The following CDC42BPA variants were observed in gnomAD, a reference collection of about 807,000 sequenced individuals.
CDC42BPA encodes the protein CDC42 binding protein kinase alpha, also known as serine/threonine-protein kinase MRCK alpha.
In CDC42BPA, 80 loss-of-function variants were observed where a neutral mutation model predicts 223.5. That is an observed-to-expected ratio of 0.36 (90% CI 0.30 to 0.43). The LOEUF is 0.43. Ranked by LOEUF, CDC42BPA falls within the 20% of genes least tolerant of loss-of-function variation. The pLI is 1.00. For missense variants in CDC42BPA, 1,743 were observed against 2,099.9 expected (o/e 0.83, Z 3.32); for synonymous variants, 694 against 718.6 (o/e 0.97, Z 0.55).
rs1467049931 is a variant in CDC42BPA at position 227,258,331 on chromosome 1, A to C, written c.179-4176T>G. Among the ~76,000 whole-genome samples, 3 of 150,972 alleles carry C rather than the reference A, an allele frequency of 2.0e-5. No homozygotes were observed. In the East Asian group the frequency reaches 5.8e-4, roughly 29 times the overall value. ...CCTTAAACCGAAACCTAGCTCCCCC[A>C]CCCAGACTAAATCAGAAATTCAGAA... On this transcript the variant is annotated intron_variant, in intron 1 of 36. Coordinates refer to ENST00000366766, the MANE Select transcript of CDC42BPA (RefSeq NM_001394014.1).
intron 5 of CDC42BPA, among the ~76,000 whole-genome samples, chr1:227,186,329 A>G (rs926181912): frequency 3.3e-5 from 5 of 152,220 alleles, no homozygotes; most frequent in African/African-American, 1.2e-4. Flanking sequence ...GAAATATGCC[A>G]GAGTATTCTC....
At chr1:227,163,901 T>C (rs180943240) in intron 5 of CDC42BPA, among the ~76,000 whole-genome samples, 86 of 152,276 alleles carry the variant, frequency 5.6e-4, no homozygotes, top group African/African-American at 2.0e-3. Flanking sequence ...TTTTTGTGTG[T>C]AGTGTGAGAT....
At chr1:227,189,678 A>G (rs1337066822) in intron 5 of CDC42BPA, among the ~76,000 whole-genome samples, 1 of 152,066 alleles carries the variant, frequency 6.6e-6, no homozygotes, top group Admixed American at 6.6e-5. Context: ...ACCATTTGCT[A>G]TTTTCCATTG....
chr1:227,219,350 AG>A (rs2150422764), intron 2 of CDC42BPA: 1 of 152,374 alleles, frequency 6.6e-6, no homozygotes, highest in South Asian at 2.1e-4. Context: ...GCAAGGCTGG[AG>A]CAGGCAGAAG....
chr1:227,147,943 G>T (rs76978751), intron 6 of CDC42BPA, among the ~76,000 whole-genome samples: 1 of 151,392 alleles, frequency 6.6e-6, no homozygotes, highest in South Asian at 2.1e-4. Flanking sequence ...GAGATGGGGG[G>T]AAAAAGCTCC....
At chr1:227,056,003 T>C (rs563991082) in intron 21 of CDC42BPA, among the ~76,000 whole-genome samples, 6 of 152,272 alleles carry the variant, frequency 3.9e-5, no homozygotes, top group African/African-American at 1.4e-4. Flanking sequence ...ATTTTTCTAC[T>C]AAAAGATCCT....
chr1:227,016,842 C>T, intron 33 of CDC42BPA, 85 bp downstream of exon 33: 1 of 1,332,814 alleles, frequency 7.5e-7, no homozygotes, highest in Non-Finnish European at 9.9e-7. Flanking sequence ...ACCCAATTTT[C>T]CTTCCAAATC....
intron 35 of CDC42BPA, among the ~76,000 whole-genome samples, chr1:226,995,276 C>G (rs1661392724): frequency 6.6e-6 from 1 of 152,236 alleles, no homozygotes; most frequent in Non-Finnish European, 1.5e-5. Flanking sequence ...TCCCTCAAGT[C>G]TCCACCTGCC....
At chr1:227,118,885 G>C (rs1233937122) in intron 12 of CDC42BPA, among the ~76,000 whole-genome samples, 1 of 152,064 alleles carries the variant, frequency 6.6e-6, no homozygotes, top group Non-Finnish European at 1.5e-5. Context: ...TCATTAAGCA[G>C]AAAGTAAAAA....
intron 3 of CDC42BPA, among the ~76,000 whole-genome samples, chr1:227,206,758 A>G (rs1672802093): frequency 6.6e-6 from 1 of 152,208 alleles, no homozygotes; most frequent in Non-Finnish European, 1.5e-5. Context: ...GTTTTCTCAA[A>G]TAGTTTGAGG....
intron 5 of CDC42BPA, among the ~76,000 whole-genome samples, chr1:227,187,082 A>C (rs1047395336): frequency 1.3e-5 from 2 of 152,218 alleles, no homozygotes; most frequent in East Asian, 3.8e-4. Context: ...CTTTGGGCTC[A>C]AAGTCTATAC....
At chr1:227,033,816 AC>A (rs1468269858) in intron 26 of CDC42BPA, among the ~76,000 whole-genome samples, 1 of 152,150 alleles carries the variant, frequency 6.6e-6, no homozygotes, top group Non-Finnish European at 1.5e-5. Flanking sequence ...TATTTCCTCC[AC>A]AATAATTTCT....
At chr1:227,134,946 T>C (rs1277034229) in intron 10 of CDC42BPA, among the ~76,000 whole-genome samples, 1 of 152,250 alleles carries the variant, frequency 6.6e-6, no homozygotes, top group African/African-American at 2.4e-5. Flanking sequence ...ATACATAATT[T>C]GAGAAAATCT....
intron 21 of CDC42BPA, among the ~76,000 whole-genome samples, chr1:227,063,262 T>C (rs1478644667): frequency 6.6e-6 from 1 of 152,144 alleles, no homozygotes; most frequent in East Asian, 1.9e-4. Context: ...CAGCACCTTG[T>C]CTTAATGTGC....
intron 2 of CDC42BPA, among the ~76,000 whole-genome samples, chr1:227,234,026 G>A (rs1678527954): frequency 1.3e-5 from 2 of 152,168 alleles, no homozygotes; most frequent in African/African-American, 4.8e-5. Flanking sequence ...GGTTCAGCAA[G>A]ATAACATGTC....
intron 1 of CDC42BPA, among the ~76,000 whole-genome samples, chr1:227,279,156 G>GT (rs536970013): frequency 4.0e-4 from 61 of 152,212 alleles, no homozygotes; most frequent in African/African-American, 1.4e-3. Flanking sequence ...CTTCATGGAT[G>GT]TGAGGATCCT....
intron 17 of CDC42BPA, among the ~76,000 whole-genome samples, chr1:227,075,326 T>C (rs1218943840): frequency 1.3e-5 from 2 of 152,182 alleles, no homozygotes; most frequent in Admixed American, 6.5e-5. Flanking sequence ...ATCCGATGCA[T>C]ACAGCAGACA....
At chr1:227,031,984 TAC>T (rs1669379576) in intron 27 of CDC42BPA, among the ~76,000 whole-genome samples, 5 of 152,044 alleles carry the variant, frequency 3.3e-5, no homozygotes, top group Non-Finnish European at 5.9e-5. Context: ...TCCAAGGACA[TAC>T]AACTACAAGT....
At chr1:227,250,057 G>A (rs922399915) in intron 2 of CDC42BPA, among the ~76,000 whole-genome samples, 1 of 152,178 alleles carries the variant, frequency 6.6e-6, no homozygotes, top group Non-Finnish European at 1.5e-5. Flanking sequence ...ATAAATGCTT[G>A]AATGTCCATT....
Sources: allele counts gnomAD v4.1 joint callset (sites outside exome capture counted in the v4.1 genomes callset), GRCh38; gene constraint gnomAD v4.1.1; transcripts MANE v1.5; gene names NCBI Gene and HGNC (gene_info 2026-07-23, HGNC 2026-07-21).